FLT1: variants seen among roughly 807,000 people sequenced by gnomAD.
FLT1 encodes fms related receptor tyrosine kinase 1, also known as vascular endothelial growth factor receptor 1.
FLT1 carries 49 observed loss-of-function variants against 156.3 expected under a neutral mutation model. The ratio of observed to expected loss-of-function variants is 0.31; its 90% CI spans 0.25 to 0.40. The LOEUF is 0.40. Ranked by LOEUF, FLT1 falls within the 10% of genes least tolerant of loss-of-function variation. FLT1 has a pLI of 1.00. For missense variants in FLT1, 1,322 were observed against 1,637.2 expected (o/e 0.81, Z 3.32); for synonymous variants, 594 against 583.8 (o/e 1.02, Z -0.25).
chr13:28,435,137 G>A (rs1040421338), intron 4 of FLT1, among the ~76,000 whole-genome samples: 6 of 152,192 alleles, frequency 3.9e-5, no homozygotes, highest in African/African-American at 1.4e-4. Context: ...CATCAGCTCT[G>A]CCTCTGGAAA....
At chr13:28,442,741 C>G (rs375800587) in intron 3 of FLT1, among the ~76,000 whole-genome samples, 1 of 151,820 alleles carries the variant, frequency 6.6e-6, no homozygotes, top group East Asian at 1.9e-4. Context: ...CACGAACACA[C>G]GAACAATACT....
rs745865609 is a variant in FLT1 at position 28,321,447 on chromosome 13, C to A, written c.3174+16G>T. 3 of 1,613,526 alleles carry A rather than the reference C, an allele frequency of 1.9e-6. No homozygotes were observed. In the East Asian group the frequency reaches 6.7e-5, roughly 36 times the overall value. On this transcript the variant is annotated intron_variant, in intron 23 of 29. Coordinates refer to ENST00000282397, the MANE Select transcript of FLT1 (RefSeq NM_002019.4). ...ATAGGACACACATGAGTCAAATAAA[C>A]ATCAAACTGACTTACATCTCCTTTT...
intron 1 of FLT1, among the ~76,000 whole-genome samples, chr13:28,471,245 C>T (rs369491956): frequency 6.6e-6 from 1 of 152,112 alleles, no homozygotes; most frequent in Non-Finnish European, 1.5e-5. Flanking sequence ...GTATAAGGAA[C>T]AAATTTCCAA....
chr13:28,348,103 T>C (rs1026963851), intron 15 of FLT1, among the ~76,000 whole-genome samples: 1 of 152,148 alleles, frequency 6.6e-6, no homozygotes, highest in Non-Finnish European at 1.5e-5. Context: ...CATCACAAAG[T>C]CCTGCCCATT....
In FLT1 at chr13:28,390,048, G is replaced by C; in HGVS notation, c.1717C>G (p.Leu573Val). Residue 573 changes from leucine to valine, a missense_variant, in exon 13 of 30, where the codon CTG becomes GTG. This residue lies in a region of FLT1 where 991 missense variants were observed against 1,254.8 expected (regional missense o/e 0.79). Coordinates refer to ENST00000282397, the MANE Select transcript of FLT1 (RefSeq NM_002019.4). Reference sequence around the variant, plus strand: ...TTGTTAACTGTGCAAGACAGTTTCAGGTCCTCTCCTTCCGTCGGCATTTTT... The same window carrying C: ...TTGTTAACTGTGCAAGACAGTTTCACGTCCTCTCCTTCCGTCGGCATTTTT... ...LEKMPTEGED[L>V]KLSCTVNKFL... 1 of 1,614,154 alleles carries C rather than the reference G, an allele frequency of 6.2e-7. No homozygotes were observed. Among genetic ancestry groups the C allele is most frequent in the Non-Finnish European group, 8.5e-7 (1 of 1,180,024 alleles).
At chr13:28,339,096 C>T in intron 17 of FLT1, 72 bp downstream of exon 17, 1 of 1,483,714 alleles carries the variant, frequency 6.7e-7, no homozygotes, top group Non-Finnish European at 9.4e-7. Flanking sequence ...TTTCGCATCT[C>T]TCAAAGCACA....
chr13:28,357,053 A>T lies in FLT1; in HGVS notation c.2248+501T>A, dbSNP rs572946916. ...TGATTACATGTTGCTTCTTTCTGAT[A>T]ATATATTACAGCCCACTTCATTTTA... On this transcript the variant is annotated intron_variant, in intron 15 of 29. Transcript: ENST00000282397. Among the ~76,000 whole-genome samples, 10 of 152,338 alleles carry T rather than the reference A, an allele frequency of 6.6e-5. No individual in the cohort carries two copies. In the East Asian group the frequency reaches 1.7e-3, roughly 26 times the overall value.
chr13:28,349,630 G>A (rs750073433), intron 15 of FLT1, among the ~76,000 whole-genome samples: 1 of 152,176 alleles, frequency 6.6e-6, no homozygotes, highest in African/African-American at 2.4e-5. Flanking sequence ...CTCTGCAGAT[G>A]CTTCCCGCAT....
At chr13:28,387,712 T>C (rs756918069) in intron 13 of FLT1, 20 of 1,054,558 alleles carry the variant, frequency 1.9e-5, no homozygotes, top group Non-Finnish European at 2.2e-5. Flanking sequence ...CCTTTTTTTT[T>C]TCTCCCCCCT....
chr13:28,472,164 C>T (rs1028351412), intron 1 of FLT1, among the ~76,000 whole-genome samples: 5 of 152,226 alleles, frequency 3.3e-5, no homozygotes, highest in Non-Finnish European at 7.3e-5. Context: ...TGCTAGACCT[C>T]ACATAGAAAG....
intron 8 of FLT1, 22 bp downstream of exon 8, chr13:28,430,028 A>G: frequency 6.9e-7 from 1 of 1,448,558 alleles, no homozygotes; most frequent in South Asian, 1.1e-5. Context: ...TTAAACTGTT[A>G]TGGAAATAAG....
rs1593859073 is a variant in FLT1, at chr13:28,494,976, G to T, written c.-133C>A. On this transcript the variant is annotated 5_prime_UTR_variant, in exon 1 of 30. Transcript: ENST00000282397. Reference sequence around the variant, plus strand: ...GCGCCCGTCTCGCGGCTCCAGCCAGGAGACAACCACTTCCCCGGGTAATCC... The same window carrying T: ...GCGCCCGTCTCGCGGCTCCAGCCAGTAGACAACCACTTCCCCGGGTAATCC... 3.2e-6 allele frequency: 2 copies of T among 630,384 alleles called. No individual in the cohort carries two copies. The highest frequency in any genetic ancestry group is 5.0e-6 in the Non-Finnish European group (2 of 400,092). 39.0% of individuals were successfully genotyped at this position (630,384 alleles called of 1,614,324 possible).
chr13:28,409,891 A>G (rs980614245), intron 10 of FLT1, among the ~76,000 whole-genome samples: 11 of 151,580 alleles, frequency 7.3e-5, no homozygotes, highest in African/African-American at 2.4e-4. Context: ...TTTGCATAAC[A>G]TGGTCAGTCT....
intron 14 of FLT1, among the ~76,000 whole-genome samples, chr13:28,360,830 G>C (rs1241103439): frequency 3.9e-5 from 6 of 152,164 alleles, no homozygotes; most frequent in Admixed American, 3.9e-4. Flanking sequence ...AGCTAAAAGA[G>C]GATTTTAAGT....
At chr13:28,343,714 C>T (rs1161098791) in intron 16 of FLT1, among the ~76,000 whole-genome samples, 1 of 150,812 alleles carries the variant, frequency 6.6e-6, no homozygotes, top group African/African-American at 2.4e-5. Flanking sequence ...GTGATCTTGG[C>T]TTACTGCAAG....
rs1014345835 is a variant in FLT1 at position 28,327,483 on chromosome 13, A to G, written c.2775T>C (p.Arg925=). The G allele has an allele frequency of 1.2e-6, 2 of 1,612,002 alleles. No homozygotes were observed. The highest frequency in any genetic ancestry group is 2.7e-5 in the African/African-American group (2 of 74,902). The change falls in exon 20 of 30, where the codon CGT becomes CGC. Residue 925 remains arginine (R), a synonymous_variant. Coordinates refer to ENST00000282397, the MANE Select transcript of FLT1 (RefSeq NM_002019.4). ...GNLSNYLKSK[R]DLFFLNKDAA... ...TTACCTTGTTGAGAAAAAATAAGTC[A>G]CGTTTGCTCTTGAGGTAGTTGGAGA...
intron 1 of FLT1, among the ~76,000 whole-genome samples, chr13:28,483,572 CCTT>C (rs1880978265): frequency 6.6e-6 from 1 of 152,230 alleles, no homozygotes; most frequent in African/African-American, 2.4e-5. Context: ...GAAAAAGTGT[CCTT>C]CTCCGAGTAA....
chr13:28,367,903 C>T (rs575028603), intron 14 of FLT1, among the ~76,000 whole-genome samples: 1 of 152,326 alleles, frequency 6.6e-6, no homozygotes, highest in African/African-American at 2.4e-5. Context: ...GACATCTCCT[C>T]CATGAAATCT....
intron 3 of FLT1, among the ~76,000 whole-genome samples, chr13:28,440,249 T>C (rs1052038060): frequency 6.6e-6 from 1 of 152,208 alleles, no homozygotes; most frequent in Non-Finnish European, 1.5e-5. Flanking sequence ...ATTGTATTCA[T>C]GTCTGTCTCA....
Sources: allele counts gnomAD v4.1 joint callset (sites outside exome capture counted in the v4.1 genomes callset), GRCh38; gene constraint gnomAD v4.1.1; regional missense constraint gnomAD v4.1.1; transcripts MANE v1.5; gene names NCBI Gene and HGNC (gene_info 2026-07-23, HGNC 2026-07-21).